CAST: variants seen among roughly 807,000 people sequenced by gnomAD.
The protein encoded by CAST is calpastatin, also known as MIR583 host.
A neutral mutation model predicts 119.6 loss-of-function variants in CAST; 76 were observed. The observed-to-expected ratio is 0.64, with a 90% confidence interval of 0.53 to 0.77. The LOEUF is 0.77. Ranked by LOEUF, CAST falls within the 30% of genes least tolerant of loss-of-function variation. The probability of loss-of-function intolerance (pLI) is 0.00; values close to 1 mark genes in which losing one functional copy is unlikely to be tolerated. For synonymous variants in CAST, 319 were observed against 331.6 expected, an observed-to-expected ratio of 0.96 and a Z score of 0.41; for missense variants, 953 against 946.5, an observed-to-expected ratio of 1.01 and a Z score of -0.09.
chr5:96,340,129 T>C, the CAST span, among the ~76,000 whole-genome samples: 1 of 152,342 alleles, frequency 6.6e-6, no homozygotes, highest in Non-Finnish European at 1.5e-5. Context: ...GCCATGTCTT[T>C]GCTATTTACC....
the CAST span, among the ~76,000 whole-genome samples, chr5:96,348,263 G>A: frequency 1.3e-5 from 2 of 151,852 alleles, no homozygotes; most frequent in African/African-American, 2.4e-5. Flanking sequence ...GGAAGAAATA[G>A]GATGATGGAT....
intron 1 of CAST, chr5:96,663,106 C>T: frequency 4.3e-6 from 3 of 702,466 alleles, no homozygotes; most frequent in Non-Finnish European, 7.8e-6. Context: ...GGCTCCCCCG[C>T]CGTGCGGATC....
At chr5:96,225,817 A>G in the CAST span, among the ~76,000 whole-genome samples, 1 of 152,230 alleles carries the variant, frequency 6.6e-6, no homozygotes, top group Admixed American at 6.5e-5. Flanking sequence ...CAAACACTTT[A>G]TTCTTGGAGA....
At chr5:96,126,244 G>A in the CAST span, among the ~76,000 whole-genome samples, 17 of 152,150 alleles carry the variant, frequency 1.1e-4, no homozygotes, top group East Asian at 2.3e-3. Flanking sequence ...TGGTTGCTCC[G>A]TATGGGACTT....
chr5:96,569,720 C>T (rs1246069330), intron 1 of CAST, among the ~76,000 whole-genome samples: 1 of 152,204 alleles, frequency 6.6e-6, no homozygotes, highest in Non-Finnish European at 1.5e-5. Context: ...CTAAACAAGT[C>T]ATCCATAGCG....
chr5:96,380,815 AG>A, the CAST span, among the ~76,000 whole-genome samples: 1 of 152,372 alleles, frequency 6.6e-6, no homozygotes, highest in Middle Eastern at 3.4e-3. Context: ...TGCATAACTC[AG>A]TGAATCAATG....
the CAST span, among the ~76,000 whole-genome samples, chr5:96,472,119 T>C: frequency 2.0e-5 from 3 of 152,198 alleles, no homozygotes; most frequent in Non-Finnish European, 4.4e-5. Context: ...ACTCCTCTAA[T>C]TGGGGTCTAC....
chr5:96,032,904 C>G, the CAST span, among the ~76,000 whole-genome samples: 1 of 152,030 alleles, frequency 6.6e-6, no homozygotes, highest in Non-Finnish European at 1.5e-5. Flanking sequence ...CTGCAGATGC[C>G]ATGACCTCAT....
the CAST span, among the ~76,000 whole-genome samples, chr5:95,978,110 C>T: frequency 7.9e-5 from 12 of 152,078 alleles, no homozygotes; most frequent in East Asian, 9.6e-4. Flanking sequence ...GATGAACACA[C>T]GTGTGCATGT....
chr5:96,578,992 C>T (rs146475174), intron 1 of CAST, among the ~76,000 whole-genome samples: 97 of 152,244 alleles, frequency 6.4e-4, no homozygotes, highest in African/African-American at 2.3e-3. Context: ...TGGTTCCTGC[C>T]AGTATTGCTT....
At chr5:96,651,839 T>C (rs970536154) in intron 1 of CAST, among the ~76,000 whole-genome samples, 6 of 152,216 alleles carry the variant, frequency 3.9e-5, no homozygotes, top group South Asian at 2.1e-4. Flanking sequence ...ATTTATCCTG[T>C]AGGTTTAGAG....
chr5:96,040,382 T>C, the CAST span, among the ~76,000 whole-genome samples: 20 of 152,198 alleles, frequency 1.3e-4, no homozygotes, highest in African/African-American at 4.8e-4. Flanking sequence ...TTTGCCTGAC[T>C]GCCCTGGCCA....
At chr5:96,159,377 G>A in the CAST span, among the ~76,000 whole-genome samples, 10 of 152,236 alleles carry the variant, frequency 6.6e-5, no homozygotes, top group South Asian at 4.1e-4. Context: ...TATTTTCTCC[G>A]TATTAACTTG....
chr5:96,309,899 G>C, the CAST span, among the ~76,000 whole-genome samples: 1 of 152,226 alleles, frequency 6.6e-6, no homozygotes, highest in Non-Finnish European at 1.5e-5. Flanking sequence ...TTCCTATTCG[G>C]CCATCTTTTG....
At chr5:96,294,317 T>C in the CAST span, among the ~76,000 whole-genome samples, 1 of 152,198 alleles carries the variant, frequency 6.6e-6, no homozygotes, top group Non-Finnish European at 1.5e-5. Context: ...AACTGACCTG[T>C]TGTTTTTATT....
At chr5:96,022,935 T>G in the CAST span, among the ~76,000 whole-genome samples, 1 of 152,220 alleles carries the variant, frequency 6.6e-6, no homozygotes, top group Non-Finnish European at 1.5e-5. Flanking sequence ...GTCAACTGAT[T>G]GTTTGTTAAT....
chr5:96,336,208 A>G, the CAST span, among the ~76,000 whole-genome samples: 2 of 151,592 alleles, frequency 1.3e-5, no homozygotes, highest in Admixed American at 6.6e-5. Context: ...TTTGACTCCA[A>G]CTCTCAACCG....
intron 1 of CAST, among the ~76,000 whole-genome samples, chr5:96,653,304 A>G (rs1748118173): frequency 6.6e-6 from 1 of 152,246 alleles, no homozygotes; most frequent in Non-Finnish European, 1.5e-5. Context: ...TTTTCCTCAA[A>G]GTCAACTGCA....
chr5:96,559,076 C>G (rs2150184083), intron 1 of CAST, among the ~76,000 whole-genome samples: 1 of 152,168 alleles, frequency 6.6e-6, no homozygotes, highest in African/African-American at 2.4e-5. Context: ...TAAACGTAAT[C>G]CAGCATATAA....
Sources: allele counts gnomAD v4.1 joint callset (sites outside exome capture counted in the v4.1 genomes callset), GRCh38; gene constraint gnomAD v4.1.1; transcripts MANE v1.5; gene names NCBI Gene and HGNC (gene_info 2026-07-23, HGNC 2026-07-21).